Variants in SV2B observed in about 807,000 individuals in gnomAD.
SV2B encodes synaptic vesicle glycoprotein 2B.
SV2B carries 41 observed loss-of-function variants against 73.9 expected under a neutral mutation model. The observed-to-expected ratio is 0.56, with a 90% CI of 0.43 to 0.72. SV2B has a LOEUF of 0.72. SV2B is among the 30% of genes least tolerant of loss of function. The pLI is 0.00. For missense variants in SV2B, 764 were observed against 857.8 expected (o/e 0.89, Z 1.37); for synonymous variants, 314 against 314.2 (o/e 1.00, Z 0.01).
rs1567437736 is a variant in SV2B at position 91,288,595 on chromosome 15, T to C, written c.1709-926T>C. Among the ~76,000 whole-genome samples, 4 of 151,940 alleles carry C rather than the reference T, an allele frequency of 2.6e-5. No homozygotes were observed. Among genetic ancestry groups the C allele is most frequent in the African/African-American group, 9.7e-5 (4 of 41,400 alleles). On this transcript the variant is annotated intron_variant, in intron 11 of 12. Transcript: ENST00000394232. The surrounding 1 kb of genome is among the most constrained non-coding windows in gnomAD (Gnocchi z 5.8). ...TCCATGTTGTCATAAATGGCAGAAT[T>C]CCTTTCTTTTCTTCTCCTTCCTCTC...
At chr15:91,188,484 T>G (rs2044867304) in intron 1 of SV2B, among the ~76,000 whole-genome samples, 1 of 151,822 alleles carries the variant, frequency 6.6e-6, no homozygotes. Context: ...TGGCTAATTT[T>G]TTTTGTATTT....
rs531098594 is a variant in SV2B, at chr15:91,241,005, T to C, written c.452-10814T>C. Reference sequence around the variant, plus strand: ...AGAGAGCATCACTTACTACACATTCTTGTTGCAGTCATCCACTGACTGGGC... The same window carrying C: ...AGAGAGCATCACTTACTACACATTCCTGTTGCAGTCATCCACTGACTGGGC... On this transcript the variant is annotated intron_variant, in intron 2 of 12. Transcript: ENST00000394232. The surrounding 1 kb of genome is among the most constrained non-coding windows in gnomAD (Gnocchi z 4.8). 3.3e-5 allele frequency among the ~76,000 whole-genome samples: 5 copies of C among 152,352 alleles called. No homozygotes were observed. In the East Asian group the frequency reaches 9.6e-4, roughly 29 times the overall value.
rs1391841618 is a variant in SV2B at position 91,284,354 on chromosome 15, A to G, written c.1708+133A>G. ...AAACCCAACAAGTAAGATTGCACCCAGGGCTATAGAGCCAAGGATGTGTGC... is the reference window on the plus strand; with the variant it reads ...AAACCCAACAAGTAAGATTGCACCCGGGGCTATAGAGCCAAGGATGTGTGC... On this transcript the variant is annotated intron_variant, in intron 11 of 12. Transcript: ENST00000394232. This position sits in a 1 kb window ranked among gnomAD's most constrained non-coding sequence, Gnocchi z 4.5. 4 of 958,732 alleles carry G rather than the reference A, an allele frequency of 4.2e-6. No individual in the cohort carries two copies. 59.4% of individuals were successfully genotyped at this position (958,732 alleles called of 1,614,324 possible).
intron 1 of SV2B, among the ~76,000 whole-genome samples, chr15:91,211,352 A>G (rs527977468): frequency 1.3e-4 from 20 of 152,270 alleles, no homozygotes; most frequent in Non-Finnish European, 2.2e-4. Flanking sequence ...CTTCTCTTTG[A>G]TGACTCATTT....
In SV2B at chr15:91,241,471, A is replaced by C. The variant is rs1300571434; in HGVS notation, c.452-10348A>C. ...TTTGTGCTGCCAGCCATCATCCTTC[A>C]TTTCCCTCATCCCTTCACACTCTCC... On this transcript the variant is annotated intron_variant, in intron 2 of 12. Transcript: ENST00000394232. The surrounding 1 kb of genome is among the most constrained non-coding windows in gnomAD (Gnocchi z 4.8). Among the ~76,000 whole-genome samples, 2 of 151,668 alleles carry C rather than the reference A, an allele frequency of 1.3e-5. No individual in the cohort carries two copies. Among genetic ancestry groups the C allele is most frequent in the Non-Finnish European group, 2.9e-5 (2 of 67,906 alleles).
At chr15:91,190,055 TTTATC>T (rs2044947818) in intron 1 of SV2B, among the ~76,000 whole-genome samples, 1 of 152,230 alleles carries the variant, frequency 6.6e-6, no homozygotes, top group African/African-American at 2.4e-5. Flanking sequence ...GCTATTTTGT[TTTATC>T]TTATTTCATA....
chr15:91,117,577 A>T (rs1269912351), intron 1 of SV2B, among the ~76,000 whole-genome samples: 4 of 152,246 alleles, frequency 2.6e-5, no homozygotes, highest in Admixed American at 6.5e-5. Context: ...ACCAGCAGCT[A>T]CCAGGGACAT....
intron 1 of SV2B, among the ~76,000 whole-genome samples, chr15:91,190,042 A>G (rs2044946778): frequency 6.6e-6 from 1 of 152,132 alleles, no homozygotes; most frequent in Non-Finnish European, 1.5e-5. Flanking sequence ...TAAAGATTTT[A>G]TTGCTATTTT....
At chr15:91,158,698 TCTCTC>T (rs796461459) in intron 1 of SV2B, among the ~76,000 whole-genome samples, 389 of 26,972 alleles carry the variant, frequency 0.014, 80 homozygotes, top group South Asian at 0.059. Context: ...TCTCTTCTCT[TCTCTC>T]CTCTCCTCTC....
rs1461431810 is a variant in SV2B, at chr15:91,124,028, C to A, written c.-392+23665C>A. ...GCTAGTTCACAGACAGGCTTGAAAT[C>A]CCTCAGAAAATACTTTGTCCATGTC... On this transcript the variant is annotated intron_variant, in intron 1 of 12. Transcript: ENST00000394232. The surrounding 1 kb of genome is among the most constrained non-coding windows in gnomAD (Gnocchi z 4.6). Among the ~76,000 whole-genome samples the A allele has an allele frequency of 2.0e-5, 3 of 152,168 alleles. No homozygotes were observed. Among genetic ancestry groups the A allele is most frequent in the Non-Finnish European group, 4.4e-5 (3 of 68,032 alleles).
intron 9 of SV2B, among the ~76,000 whole-genome samples, chr15:91,270,817 G>T (rs1357172771): frequency 7.8e-6 from 1 of 128,958 alleles, no homozygotes; most frequent in East Asian, 2.3e-4. Context: ...GATGATGGGG[G>T]GATGGTGAAT....
chr15:91,221,835 C>T (rs1025011339), intron 1 of SV2B, among the ~76,000 whole-genome samples: 1 of 152,208 alleles, frequency 6.6e-6, no homozygotes, highest in Non-Finnish European at 1.5e-5. Context: ...CCCTGCTGCA[C>T]TGCACTGCTG....
In SV2B at chr15:91,281,591, G is replaced by C; in HGVS notation, c.1374-137G>C. 19 of 969,526 alleles carry C rather than the reference G, an allele frequency of 2.0e-5. No homozygotes were observed. The highest frequency in any genetic ancestry group is 2.8e-5 in the Non-Finnish European group (19 of 676,010). 60.1% of individuals were successfully genotyped at this position (969,526 alleles called of 1,614,324 possible). On this transcript the variant is annotated intron_variant, in intron 9 of 12. Coordinates refer to ENST00000394232, the MANE Select transcript of SV2B (RefSeq NM_001323032.3). This position sits in a 1 kb window ranked among gnomAD's most constrained non-coding sequence, Gnocchi z 4.7. ...AAACAAACAGCTAAGAAGTGGGGAA[G>C]TGGTCTGGGTTGAAAATAATGCTCT...
intron 9 of SV2B, among the ~76,000 whole-genome samples, chr15:91,275,964 T>C (rs536357600): frequency 1.5e-4 from 23 of 152,222 alleles, no homozygotes; most frequent in Non-Finnish European, 7.3e-5. Flanking sequence ...AGTGAAATTA[T>C]GATGGCAATA....
chr15:91,260,072 A>T (rs1265590675), intron 5 of SV2B, among the ~76,000 whole-genome samples: 1 of 152,162 alleles, frequency 6.6e-6, no homozygotes, highest in Non-Finnish European at 1.5e-5. Context: ...GTGTATAATG[A>T]TGATACTACC....
chr15:91,273,909 G>A (rs2048398868), intron 9 of SV2B, among the ~76,000 whole-genome samples: 1 of 151,984 alleles, frequency 6.6e-6, no homozygotes, highest in Non-Finnish European at 1.5e-5. Flanking sequence ...ACATTGTACA[G>A]CAGTCTTTTG....
In SV2B at chr15:91,168,301, C is replaced by CGAGAGAGAGAGAGAGAGAGAGAGAGA. The variant is rs113991291; in HGVS notation, c.-391-57567_-391-57542dup. 2.3e-3 allele frequency among the ~76,000 whole-genome samples: 313 copies of CGAGAGAGAGAGAGAGAGAGAGAGAGA among 137,248 alleles called. 2 individuals are homozygous for CGAGAGAGAGAGAGAGAGAGAGAGAGA. The highest frequency in any genetic ancestry group is 5.3e-3 in the South Asian group (21 of 3,964). 90.0% of individuals were successfully genotyped at this position (137,248 alleles called of 152,430 possible). ...TACCTTTGGGCAAAATGGTGAGATACGAGAGAGAGAGAGAGAGAGAGAGAG... is the reference window on the plus strand; with the variant it reads ...TACCTTTGGGCAAAATGGTGAGATACGAGAGAGAGAGAGAGAGAGAGAGAGAGAGAGAGAGAGAGAGAGAGAGAGAG... On this transcript the variant is annotated intron_variant, in intron 1 of 12. Transcript: ENST00000394232.
chr15:91,283,619 A>G lies in SV2B; in HGVS notation c.1508-402A>G, dbSNP rs997047662. ...CCTAGCTAATTTAAAAGAAAATTTT[A>G]TTTATTTATTTATTTGTAGAGATAA... is the stretch of plus-strand genomic sequence containing the variant. On this transcript the variant is annotated intron_variant, in intron 10 of 12. Transcript: ENST00000394232. This position sits in a 1 kb window ranked among gnomAD's most constrained non-coding sequence, Gnocchi z 4.3. 6.6e-6 allele frequency among the ~76,000 whole-genome samples: 1 copy of G among 151,794 alleles called. No individual in the cohort carries two copies. The highest frequency in any genetic ancestry group is 2.1e-4 in the South Asian group (1 of 4,800).
rs147422933 is a variant in SV2B, at chr15:91,301,549, T to C, written c.*8997T>C. On this transcript the variant is annotated 3_prime_UTR_variant, in exon 13 of 13. Transcript: ENST00000394232. The surrounding 1 kb of genome is among the most constrained non-coding windows in gnomAD (Gnocchi z 4.3). ...GAAATTTACTGAATGACAAGAACTG[T>C]GATAAAGACTTTTAAAGCCTATCCC... 3.8e-4 allele frequency among the ~76,000 whole-genome samples: 58 copies of C among 152,326 alleles called. No homozygotes were observed. The East Asian group carries it at 9.6e-3, about 25-fold the overall frequency.
Sources: allele counts gnomAD v4.1 joint callset (sites outside exome capture counted in the v4.1 genomes callset), GRCh38; gene constraint gnomAD v4.1.1; non-coding constraint Gnocchi (gnomAD v3.1); transcripts MANE v1.5; gene names NCBI Gene and HGNC (gene_info 2026-07-23, HGNC 2026-07-21).